Variants in GPR55 observed in about 807,000 individuals in gnomAD.
GPR55 encodes G-protein coupled receptor 55.
Under a neutral mutation model 7.9 loss-of-function variants are expected in GPR55, and 6 were observed. That is an observed-to-expected ratio of 0.76 (90% CI 0.41 to 1.49). The LOEUF is 1.49. Among genes scored for constraint, GPR55 ranks in the 40% most tolerant of loss-of-function variants. The pLI is 0.01. For missense variants in GPR55, 376 were observed against 406.0 expected (o/e 0.93, Z 0.63); for synonymous variants, 183 against 166.8 (o/e 1.10, Z -0.75).
intron 1 of GPR55, among the ~76,000 whole-genome samples, chr2:230,912,853 C>T (rs112779067): frequency 6.6e-6 from 1 of 152,208 alleles, no homozygotes; most frequent in East Asian, 1.9e-4. Context: ...AAAGAACAAG[C>T]GTAGGAAAGT....
At chr2:230,915,384 G>A (rs766751658) in intron 1 of GPR55, among the ~76,000 whole-genome samples, 8 of 152,204 alleles carry the variant, frequency 5.3e-5, no homozygotes, top group Admixed American at 2.0e-4. Context: ...TCTACCATCC[G>A]CAGCAGGGAT....
upstream of GPR55, among the ~76,000 whole-genome samples, chr2:230,927,806 G>A (rs1380666692): frequency 1.3e-5 from 2 of 152,232 alleles, no homozygotes; most frequent in Non-Finnish European, 2.9e-5. Flanking sequence ...CTCCCCTGAC[G>A]CTGGTGAAAT....
chr2:230,939,951 G>A (rs1691197788), intron 1 of GPR55, among the ~76,000 whole-genome samples: 1 of 151,618 alleles, frequency 6.6e-6, no homozygotes. Context: ...CGGGGGCGGG[G>A]ACAGCTAATC....
chr2:230,959,622 C>T (rs900433361), intron 1 of GPR55, among the ~76,000 whole-genome samples: 4 of 151,886 alleles, frequency 2.6e-5, no homozygotes, highest in Non-Finnish European at 5.9e-5. Flanking sequence ...CATTTGACTT[C>T]GAAAGTCATG....
At chr2:230,911,413 C>T (rs1574617013) in intron 1 of GPR55, among the ~76,000 whole-genome samples, 2 of 152,314 alleles carry the variant, frequency 1.3e-5, no homozygotes, top group South Asian at 4.2e-4. Context: ...AATGCTGTTT[C>T]CAGGACTCAG....
In GPR55 at chr2:230,924,634, C is replaced by G. The variant is rs1209238271; in HGVS notation, c.-135+534G>C. On this transcript the variant is annotated intron_variant, in intron 1 of 1. Coordinates refer to ENST00000650999, the MANE Select transcript of GPR55 (RefSeq NM_005683.4). This position sits in a 1 kb window ranked among gnomAD's most constrained non-coding sequence, Gnocchi z 4.5. ...CATGCCCCAGAGAGGTAAACGGAGGCTAGAGAAATTACGCAGCTGGTGAGT... is the reference window on the plus strand; with the variant it reads ...CATGCCCCAGAGAGGTAAACGGAGGGTAGAGAAATTACGCAGCTGGTGAGT... 1 of 152,154 alleles carries G rather than the reference C, an allele frequency of 6.6e-6. No individual in the cohort carries two copies. Among genetic ancestry groups the G allele is most frequent in the East Asian group, 1.9e-4 (1 of 5,184 alleles). 9.4% of individuals were successfully genotyped at this position (152,154 alleles called of 1,614,324 possible). A position where few individuals can be genotyped will look rare whatever the true frequency, so the allele number is the denominator to read the frequency against.
intron 1 of GPR55, among the ~76,000 whole-genome samples, chr2:230,933,717 C>T (rs185962154): frequency 7.6e-4 from 116 of 152,328 alleles, no homozygotes; most frequent in Non-Finnish European, 8.2e-4. Flanking sequence ...GCCCCTGCGC[C>T]GGCAGCATTC....
intron 1 of GPR55, among the ~76,000 whole-genome samples, chr2:230,941,824 T>C (rs1012712251): frequency 1.3e-5 from 2 of 152,246 alleles, no homozygotes; most frequent in African/African-American, 4.8e-5. Flanking sequence ...ATCTTAAACA[T>C]TAAAATATTT....
chr2:230,946,863 G>C (rs1691325725), intron 1 of GPR55, among the ~76,000 whole-genome samples: 1 of 152,224 alleles, frequency 6.6e-6, no homozygotes, highest in Admixed American at 6.5e-5. Context: ...GTGGCTGGGG[G>C]TGCTCATGTG....
At chr2:230,947,711 A>G (rs1691341912) in intron 1 of GPR55, among the ~76,000 whole-genome samples, 1 of 152,070 alleles carries the variant, frequency 6.6e-6, no homozygotes, top group Non-Finnish European at 1.5e-5. Flanking sequence ...TATATTGCCC[A>G]GGATGGTCTC....
At chr2:230,959,578 C>T (rs774806779) in intron 1 of GPR55, among the ~76,000 whole-genome samples, 27 of 152,288 alleles carry the variant, frequency 1.8e-4, no homozygotes, top group South Asian at 4.1e-4. Context: ...TGCCCAAGGA[C>T]GTCCAGTGAG....
Position 230,909,982 on chromosome 2 carries a change from C to T in GPR55, c.*21G>A, listed in dbSNP as rs768887031. 5.6e-6 allele frequency: 9 copies of T among 1,600,990 alleles called. No homozygotes were observed. The Admixed American group carries it at 1.4e-4, about 24-fold the overall frequency. ...GAATTCAGGGCCAGGGCTTTCTTCC[C>T]CTGAACAGGATGTCCTTCCGTTAGC... On this transcript the variant is annotated 3_prime_UTR_variant, in exon 2 of 2. Coordinates refer to ENST00000650999, the MANE Select transcript of GPR55 (RefSeq NM_005683.4).
rs113475717 is a variant in GPR55 at position 230,941,184 on chromosome 2, C to A, written c.-135+19591G>T. On this transcript the variant is annotated intron_variant, in intron 1 of 1. Transcript: ENST00000392039. ...TGGGTGCCTCCAGGCTCAGAGAGAA[C>A]CCTCTAGATGCTCTGTCCAGCACCC... Among the ~76,000 whole-genome samples the A allele has an allele frequency of 6.4e-3, 979 of 152,154 alleles. 11 individuals carry two copies. Among genetic ancestry groups the A allele is most frequent in the African/African-American group, 0.021 (867 of 41,510 alleles).
intron 1 of GPR55, among the ~76,000 whole-genome samples, chr2:230,952,984 T>C (rs747609571): frequency 6.6e-6 from 1 of 152,204 alleles, no homozygotes; most frequent in Non-Finnish European, 1.5e-5. Flanking sequence ...CACCATGATG[T>C]TTTCCTCTGT....
rs564475549 is a variant in GPR55 at position 230,910,377 on chromosome 2, T to C, written c.586A>G (p.Ile196Val). 2 of 1,613,950 alleles carry C rather than the reference T, an allele frequency of 1.2e-6. No homozygotes were observed. The highest frequency in any genetic ancestry group is 1.3e-5 in the African/African-American group (1 of 74,982). The change falls in exon 2 of 2, where the codon ATC becomes GTC. Residue 196 changes from isoleucine (I) to valine (V), a missense_variant. By Grantham distance (29) the Ile-to-Val change is conservative (BLOSUM62 3). Coordinates refer to ENST00000650999, the MANE Select transcript of GPR55 (RefSeq NM_005683.4). The surrounding 1 kb of genome is among the most constrained non-coding windows in gnomAD (Gnocchi z 5.4). ...CTCCTGGAGCAGCAGAAGCCCATGATGCCCATGGGAAGGAGGAAGCCAAAC... is the reference window on the plus strand; with the variant it reads ...CTCCTGGAGCAGCAGAAGCCCATGACGCCCATGGGAAGGAGGAAGCCAAAC... ...EVFGFLLPMGIMGFCCSRSIH... is the reference protein window; with the variant it reads ...EVFGFLLPMGVMGFCCSRSIH...
chr2:230,916,940 CTGTT>C (rs774564096), intron 1 of GPR55, among the ~76,000 whole-genome samples: 32 of 152,082 alleles, frequency 2.1e-4, no homozygotes, highest in Non-Finnish European at 4.3e-4. Flanking sequence ...TAAAATATAA[CTGTT>C]TGCTCTTATG....
At chr2:230,937,998 A>T (rs951137531) in intron 1 of GPR55, among the ~76,000 whole-genome samples, 3 of 152,020 alleles carry the variant, frequency 2.0e-5, no homozygotes, top group Admixed American at 6.6e-5. Context: ...TCTACCAAAA[A>T]AAATAAATAA....
chr2:230,920,680 T>C (rs1690812527), intron 1 of GPR55, among the ~76,000 whole-genome samples: 1 of 152,098 alleles, frequency 6.6e-6, no homozygotes, highest in Non-Finnish European at 1.5e-5. Flanking sequence ...AAGCTATCAA[T>C]AGCATCAAGA....
intron 1 of GPR55, among the ~76,000 whole-genome samples, chr2:230,920,146 C>T (rs1180119811): frequency 1.3e-5 from 2 of 150,264 alleles, no homozygotes; most frequent in African/African-American, 4.9e-5. Context: ...AATATGAAAA[C>T]CTGAGATTAA....
Sources: gnomAD v4.1 joint callset for allele counts (sites outside exome capture counted in the v4.1 genomes callset) on GRCh38, gnomAD v4.1.1 for gene constraint, Gnocchi (gnomAD v3.1) non-coding constraint, MANE v1.5 for transcripts, NCBI Gene and HGNC (gene_info 2026-07-23, HGNC 2026-07-21) for gene names.